The following MYO9A variants were observed in gnomAD, a reference collection of about 807,000 sequenced individuals.
MYO9A encodes the protein unconventional myosin-IXa.
MYO9A carries 103 observed loss-of-function variants against 293.3 expected under a neutral mutation model. The observed-to-expected ratio is 0.35, with a 90% CI of 0.30 to 0.41. The LOEUF (loss-of-function observed/expected upper bound fraction) is 0.41. Among genes scored for constraint, MYO9A ranks in the 10% least tolerant of loss-of-function variants. The pLI is 1.00. For synonymous variants in MYO9A, 1,001 were observed against 1,035.7 expected (o/e 0.97, Z 0.64); for missense variants, 2,685 against 3,033.0 (o/e 0.89, Z 2.69).
intron 18 of MYO9A, among the ~76,000 whole-genome samples, chr15:71,928,007 T>G (rs2058358941): frequency 8.9e-6 from 1 of 111,786 alleles, no homozygotes; most frequent in Admixed American, 9.5e-5. Context: ...TCCATGCTGT[T>G]TTGATTACAA....
intron 6 of MYO9A, among the ~76,000 whole-genome samples, chr15:72,015,383 T>C (rs1049980473): frequency 6.6e-6 from 1 of 152,168 alleles, no homozygotes; most frequent in Admixed American, 6.6e-5. Context: ...CCAAGTTGCA[T>C]CATGATCTCT....
intron 1 of MYO9A, among the ~76,000 whole-genome samples, chr15:72,082,012 G>A (rs78026420): frequency 1.3e-5 from 2 of 151,956 alleles, no homozygotes; most frequent in African/African-American, 4.8e-5. Flanking sequence ...TTGACTATTT[G>A]GGCTCTTTTT....
intron 2 of MYO9A, among the ~76,000 whole-genome samples, chr15:72,033,225 A>G (rs575115655): frequency 6.6e-5 from 10 of 152,282 alleles, no homozygotes; most frequent in Non-Finnish European, 1.2e-4. Flanking sequence ...GAGCCCCCCT[A>G]CAAAAAAGTC....
chr15:71,935,255 CCTT>C (rs1187101716), intron 17 of MYO9A, 83 bp downstream of exon 17: 8 of 1,353,460 alleles, frequency 5.9e-6, no homozygotes, highest in African/African-American at 2.9e-5. Flanking sequence ...TCACCATCTT[CCTT>C]CTTCATTTTT....
At chr15:72,091,090 T>C (rs945266028) in intron 1 of MYO9A, among the ~76,000 whole-genome samples, 1 of 152,054 alleles carries the variant, frequency 6.6e-6, no homozygotes, top group African/African-American at 2.4e-5. Context: ...TCCTAGCTAC[T>C]TGGCAGGCTG....
At chr15:72,010,237 T>C in intron 7 of MYO9A, 113 bp downstream of exon 7, 1 of 714,146 alleles carries the variant, frequency 1.4e-6, no homozygotes, top group Non-Finnish European at 2.4e-6. Context: ...GATGAGGTAC[T>C]AGATGAAGAA....
At chr15:71,893,088 C>T (rs1172626604) in intron 26 of MYO9A, 1 of 1,290,012 alleles carries the variant, frequency 7.8e-7, no homozygotes. Context: ...CCTCTGTATC[C>T]CCCTCCCCAT....
intron 1 of MYO9A, among the ~76,000 whole-genome samples, chr15:72,105,408 G>C (rs1211945544): frequency 6.6e-6 from 1 of 151,588 alleles, no homozygotes; most frequent in Admixed American, 6.6e-5. Context: ...GTTTGTTTTG[G>C]TAGAGACAGG....
At chr15:72,090,452 A>G (rs2079870724) in intron 1 of MYO9A, among the ~76,000 whole-genome samples, 1 of 152,206 alleles carries the variant, frequency 6.6e-6, no homozygotes, top group Non-Finnish European at 1.5e-5. Context: ...TTTATAGACA[A>G]GTGCTTCATC....
intron 6 of MYO9A, among the ~76,000 whole-genome samples, chr15:72,013,407 C>T (rs527471945): frequency 6.6e-6 from 1 of 152,128 alleles, no homozygotes; most frequent in Non-Finnish European, 1.5e-5. Context: ...AGCCTTCAGG[C>T]CCCAGGATCC....
chr15:71,956,526 G>A (rs937432742), intron 14 of MYO9A, among the ~76,000 whole-genome samples: 11 of 149,688 alleles, frequency 7.3e-5, no homozygotes, highest in Non-Finnish European at 1.6e-4. Flanking sequence ...AGTGCCTGTA[G>A]TCCCAGCTAC....
intron 8 of MYO9A, among the ~76,000 whole-genome samples, chr15:72,002,689 T>C (rs2076903166): frequency 6.6e-6 from 1 of 152,162 alleles, no homozygotes; most frequent in Non-Finnish European, 1.5e-5. Flanking sequence ...AAAACATCTA[T>C]CTATACTGAA....
intron 6 of MYO9A, among the ~76,000 whole-genome samples, chr15:72,015,438 A>G (rs1325671410): frequency 6.6e-6 from 1 of 152,220 alleles, no homozygotes; most frequent in African/African-American, 2.4e-5. Flanking sequence ...GAGCTTCCAC[A>G]GATTTATAGA....
At chr15:71,964,556 C>T (rs1015724451) in intron 13 of MYO9A, among the ~76,000 whole-genome samples, 1 of 146,570 alleles carries the variant, frequency 6.8e-6, no homozygotes, top group Non-Finnish European at 1.5e-5. Flanking sequence ...TCAAGGCTGG[C>T]GGATCACGAG....
At chr15:71,853,445 T>C (rs970445278) in intron 35 of MYO9A, among the ~76,000 whole-genome samples, 6 of 152,246 alleles carry the variant, frequency 3.9e-5, no homozygotes, top group African/African-American at 1.4e-4. Context: ...TTGTGCTATT[T>C]CAAGGTATCA....
intron 19 of MYO9A, among the ~76,000 whole-genome samples, chr15:71,909,177 C>G (rs2057761451): frequency 6.6e-6 from 1 of 152,138 alleles, no homozygotes; most frequent in African/African-American, 2.4e-5. Context: ...TTGACTGTTT[C>G]CAAGTTTTAG....
At chr15:72,079,089 G>C (rs2079458821) in intron 1 of MYO9A, among the ~76,000 whole-genome samples, 2 of 152,172 alleles carry the variant, frequency 1.3e-5, no homozygotes, top group Non-Finnish European at 2.9e-5. Flanking sequence ...GTAGGACACA[G>C]AGAGTGAACC....
intron 1 of MYO9A, among the ~76,000 whole-genome samples, chr15:72,106,301 G>C (rs2080566067): frequency 6.6e-6 from 1 of 152,010 alleles, no homozygotes; most frequent in Non-Finnish European, 1.5e-5. Flanking sequence ...AACATAGCAA[G>C]ACCCCATCCC....
rs1596219968 is a variant in MYO9A, at chr15:71,929,847, C to T, written c.2562+3823G>A. Among the ~76,000 whole-genome samples, 3 of 152,308 alleles carry T rather than the reference C, an allele frequency of 2.0e-5. No homozygotes were observed. In the South Asian group the frequency reaches 6.2e-4, roughly 32 times the overall value. On this transcript the variant is annotated intron_variant, in intron 18 of 41. Transcript: ENST00000356056. ...ACTGCTGGGTTGAATGGGAGTTCAA[C>T]TCTTAGTTCTTTGTGAAATCTCCAA...
Sources: gnomAD v4.1 joint callset for allele counts (sites outside exome capture counted in the v4.1 genomes callset) on GRCh38, gnomAD v4.1.1 for gene constraint, MANE v1.5 for transcripts, NCBI Gene and HGNC (gene_info 2026-07-23, HGNC 2026-07-21) for gene names.